CDC42EP4: variants seen among roughly 807,000 people sequenced by gnomAD.
CDC42EP4 encodes the protein CDC42 effector protein (Rho GTPase binding) 4.
Under a neutral mutation model 5.6 loss-of-function variants are expected in CDC42EP4, and 6 were observed. The ratio of observed to expected loss-of-function variants is 1.07; its 90% CI spans 0.59 to 2.12. CDC42EP4 has a LOEUF of 2.12. CDC42EP4 is among the 30% of genes most tolerant of loss of function. CDC42EP4 has a pLI of 0.00. For missense variants in CDC42EP4, 490 were observed against 508.6 expected (o/e 0.96, Z 0.35); for synonymous variants, 230 against 224.2 (o/e 1.03, Z -0.23).
chr17:73,302,232 G>C (rs2062222668), intron 1 of CDC42EP4, among the ~76,000 whole-genome samples: 2 of 152,074 alleles, frequency 1.3e-5, no homozygotes, highest in African/African-American at 4.8e-5. Flanking sequence ...TGAATCTTTT[G>C]GGCTTTGGAA....
intron 1 of CDC42EP4, among the ~76,000 whole-genome samples, chr17:73,302,505 C>G (rs1014877728): frequency 6.6e-6 from 1 of 151,606 alleles, no homozygotes; most frequent in African/African-American, 2.4e-5. Flanking sequence ...GAGACAGGGT[C>G]TCACTCTGTT....
At chr17:73,297,435 T>C (rs556713517) in intron 1 of CDC42EP4, among the ~76,000 whole-genome samples, 1 of 151,938 alleles carries the variant, frequency 6.6e-6, no homozygotes, top group South Asian at 2.1e-4. Flanking sequence ...GATCACGCCA[T>C]TGCACTCCAG....
chr17:73,289,234 A>G (rs187918122), intron 1 of CDC42EP4, among the ~76,000 whole-genome samples: 2 of 152,306 alleles, frequency 1.3e-5, no homozygotes, highest in Non-Finnish European at 2.9e-5. Flanking sequence ...ACAGTGGGTC[A>G]CAACTGTAAT....
chr17:73,308,929 T>A (rs376411981), intron 1 of CDC42EP4, among the ~76,000 whole-genome samples: 9 of 149,428 alleles, frequency 6.0e-5, no homozygotes, highest in East Asian at 3.9e-4. Context: ...TCCCAGCTAC[T>A]GCAGAGGCTG....
At chr17:73,297,949 G>A (rs994375655) in intron 1 of CDC42EP4, among the ~76,000 whole-genome samples, 19 of 149,002 alleles carry the variant, frequency 1.3e-4, no homozygotes, top group African/African-American at 4.5e-4. Flanking sequence ...GTGAGCCACC[G>A]CACCTGGCCT....
intron 1 of CDC42EP4, among the ~76,000 whole-genome samples, chr17:73,303,142 G>A (rs7223392): frequency 0.28 from 40,872 of 148,212 alleles, 5,594 homozygotes; most frequent in Admixed American, 0.33. Context: ...TTGGGAGTTC[G>A]AGACCAGCCT....
chr17:73,286,033 C>T lies in CDC42EP4; in HGVS notation c.468G>A (p.Glu156=), dbSNP rs749515948. ...GGGGCACTGCCTCCTCCGTGCCCGC[C>T]TCCTCATCGCCGCCCTCCCCGTCAT... is the stretch of plus-strand genomic sequence containing the variant. ...KANDGEGGDE[E]AGTEEAVPRR... Residue 156 remains glutamate (E), a synonymous_variant, in exon 2 of 2, where the codon GAG becomes GAA. Coordinates refer to ENST00000335793, the MANE Select transcript of CDC42EP4 (RefSeq NM_012121.5). This position sits in a 1 kb window ranked among gnomAD's most constrained non-coding sequence, Gnocchi z 7.7. 1 of 1,613,856 alleles carries T rather than the reference C, an allele frequency of 6.2e-7. No individual in the cohort carries two copies. The highest frequency in any genetic ancestry group is 1.1e-5 in the South Asian group (1 of 91,084).
chr17:73,306,557 T>A (rs759629445), intron 1 of CDC42EP4: 2 of 152,176 alleles, frequency 1.3e-5, no homozygotes, highest in Non-Finnish European at 2.9e-5. Context: ...TAAAATATAA[T>A]CTGATCTTTT....
At position 73,286,037 on chromosome 17, in the gene CDC42EP4, T is replaced by C. The variant is rs2062131424; in HGVS notation, c.464A>G (p.Glu155Gly). ...KKANDGEGGD[E>G]EAGTEEAVPR... ...CACTGCCTCCTCCGTGCCCGCCTCC[T>C]CATCGCCGCCCTCCCCGTCATTGGC... Residue 155 changes from glutamate (E) to glycine (G), a missense_variant, in exon 2 of 2, where the codon GAG (glutamate) becomes GGG (glycine). Physicochemically the swap from Glu to Gly is moderately conservative, Grantham distance 98. Transcript: ENST00000335793. The surrounding 1 kb of genome is among the most constrained non-coding windows in gnomAD (Gnocchi z 7.7). 2 of 1,613,872 alleles carry C rather than the reference T, an allele frequency of 1.2e-6. No homozygotes were observed. Among genetic ancestry groups the C allele is most frequent in the African/African-American group, 2.7e-5 (2 of 75,056 alleles).
intron 1 of CDC42EP4, among the ~76,000 whole-genome samples, chr17:73,293,095 G>A (rs959989091): frequency 3.9e-5 from 6 of 152,092 alleles, no homozygotes; most frequent in African/African-American, 7.2e-5. Context: ...CAATCCACCC[G>A]CCTTGGCCTC....
intron 1 of CDC42EP4, among the ~76,000 whole-genome samples, chr17:73,298,962 CT>C (rs111475787): frequency 3.8e-3 from 555 of 144,740 alleles, no homozygotes; most frequent in Admixed American, 4.4e-3. Flanking sequence ...CATCTCACAG[CT>C]TTTTTTTTTT....
chr17:73,306,906 G>A (rs2062246789), intron 1 of CDC42EP4: 1 of 152,260 alleles, frequency 6.6e-6, no homozygotes. Flanking sequence ...AACTGCAGGT[G>A]TCTGGGCAAA....
intron 1 of CDC42EP4, among the ~76,000 whole-genome samples, chr17:73,307,950 C>T (rs2062253266): frequency 2.0e-5 from 3 of 151,340 alleles, no homozygotes; most frequent in Admixed American, 1.3e-4. Context: ...CCATATTGGC[C>T]AGGCTGATCT....
Position 73,286,277 on chromosome 17 carries a change from T to C in CDC42EP4, c.224A>G (p.Lys75Arg). ...LDEQPSSSSS[K>R]RSLLSRKFRG... ...GAACTTCCTGGACAGGAGACTGCGT[T>C]TGGAAGATGAAGAAGAGGGCTGTTC... The change falls in exon 2 of 2, where the codon AAA (lysine) becomes AGA (arginine). Residue 75 changes from lysine to arginine, a missense_variant. By Grantham distance (26) the Lys-to-Arg change is conservative (BLOSUM62 2). Transcript: ENST00000335793. The surrounding 1 kb of genome is among the most constrained non-coding windows in gnomAD (Gnocchi z 7.7). 6.2e-7 allele frequency: 1 copy of C among 1,614,152 alleles called. No individual in the cohort carries two copies. Among genetic ancestry groups the C allele is most frequent in the Non-Finnish European group, 8.5e-7 (1 of 1,180,012 alleles).
chr17:73,296,421 A>G (rs1377008023), intron 1 of CDC42EP4, among the ~76,000 whole-genome samples: 3 of 146,832 alleles, frequency 2.0e-5, no homozygotes, highest in Non-Finnish European at 4.5e-5. Flanking sequence ...CCATCTCAAA[A>G]AAAAAAAAAA....
At position 73,286,080 on chromosome 17, in the gene CDC42EP4, A is replaced by C; in HGVS notation, c.421T>G (p.Ser141Ala). ...TCATTGGCCTTCTTCACGGGGCTGG[A>C]TGACAGGCTCTTGGGCAGCTTACTG... ...GTSKLPKSLS[S>A]SPVKKANDGE... Residue 141 changes from serine (S) to alanine (A), a missense_variant, in exon 2 of 2, where the codon TCC (serine) becomes GCC (alanine). Coordinates refer to ENST00000335793, the MANE Select transcript of CDC42EP4 (RefSeq NM_012121.5). The surrounding 1 kb of genome is among the most constrained non-coding windows in gnomAD (Gnocchi z 7.7). 1 of 1,613,894 alleles carries C rather than the reference A, an allele frequency of 6.2e-7. No homozygotes were observed. Among genetic ancestry groups the C allele is most frequent in the Non-Finnish European group, 8.5e-7 (1 of 1,180,014 alleles).
chr17:73,285,794 T>C lies in CDC42EP4; in HGVS notation c.707A>G (p.Glu236Gly). ...DKEEWDPEEG[E>G]GGYHGDEGAA... is the part of the protein sequence containing the mutation. ...GCCCTCATCGCCATGGTAACCACCC[T>C]CCCCCTCCTCGGGGTCCCACTCCTC... Residue 236 changes from glutamate to glycine, a missense_variant, in exon 2 of 2, where the codon GAG becomes GGG. By Grantham distance (98) the Glu-to-Gly change is moderately conservative. Transcript: ENST00000335793. This position sits in a 1 kb window ranked among gnomAD's most constrained non-coding sequence, Gnocchi z 6.8. 1 of 1,602,584 alleles carries C rather than the reference T, an allele frequency of 6.2e-7. No homozygotes were observed. Among genetic ancestry groups the C allele is most frequent in the Non-Finnish European group, 8.5e-7 (1 of 1,170,550 alleles).
At chr17:73,292,453 G>A (rs1325104342) in intron 1 of CDC42EP4, among the ~76,000 whole-genome samples, 1 of 150,350 alleles carries the variant, frequency 6.7e-6, no homozygotes, top group Non-Finnish European at 1.5e-5. Context: ...AGATAGAGCA[G>A]TGAAAATAGC....
Position 73,296,246 on chromosome 17 carries a change from A to T in CDC42EP4, c.-112-9634T>A, listed in dbSNP as rs9904952. ...TAAAAATACAAAAAAAAAAAAAATT[A>T]AAAAATACATAAAAAAATAAAATTA... On this transcript the variant is annotated intron_variant, in intron 1 of 1. Transcript: ENST00000335793. Among the ~76,000 whole-genome samples the T allele has an allele frequency of 7.4e-4, 108 of 146,162 alleles. 2 individuals carry two copies. The East Asian group carries it at 0.021, about 29-fold the overall frequency.
Sources: allele counts gnomAD v4.1 joint callset (sites outside exome capture counted in the v4.1 genomes callset), GRCh38; gene constraint gnomAD v4.1.1; non-coding constraint Gnocchi (gnomAD v3.1); transcripts MANE v1.5; gene names NCBI Gene and HGNC (gene_info 2026-07-23, HGNC 2026-07-21).